Variants in ROBO2 observed in about 807,000 individuals in gnomAD.
ROBO2 encodes roundabout guidance receptor 2.
Under a neutral mutation model 160.8 loss-of-function variants are expected in ROBO2, and 53 were observed. That is an observed-to-expected ratio of 0.33 (90% CI 0.26 to 0.41). The LOEUF (loss-of-function observed/expected upper bound fraction) is 0.41. Among genes scored for constraint, ROBO2 ranks in the 10% least tolerant of loss-of-function variants. ROBO2 has a pLI of 1.00. For missense variants in ROBO2, 1,577 were observed against 1,722.4 expected (o/e 0.92, Z 1.49); for synonymous variants, 664 against 611.7 (o/e 1.09, Z -1.26).
At chr3:76,480,157 A>G (rs1380484204) in intron 2 of ROBO2, among the ~76,000 whole-genome samples, 2 of 152,194 alleles carry the variant, frequency 1.3e-5, no homozygotes, top group African/African-American at 2.4e-5. Context: ...ATCATTCGAT[A>G]TACTTGCCAA....
intron 2 of ROBO2, chr3:77,317,361 G>A: frequency 1.1e-6 from 1 of 896,686 alleles, no homozygotes; most frequent in East Asian, 2.5e-5. Context: ...GCTCATCTCG[G>A]TGCCTAGTGT....
At chr3:77,338,323 C>A (rs945490083) in intron 2 of ROBO2, among the ~76,000 whole-genome samples, 1 of 152,136 alleles carries the variant, frequency 6.6e-6, no homozygotes, top group Non-Finnish European at 1.5e-5. Flanking sequence ...TCTGCTCCCC[C>A]CTTGTTCTGG....
chr3:76,121,089 AAGAG>A (rs1382982252), intron 2 of ROBO2, among the ~76,000 whole-genome samples: 4 of 152,142 alleles, frequency 2.6e-5, no homozygotes, highest in African/African-American at 9.7e-5. Context: ...CCAAGGATGA[AAGAG>A]AGGCAATGAA....
intron 2 of ROBO2, among the ~76,000 whole-genome samples, chr3:76,813,540 A>G (rs987667507): frequency 2.0e-5 from 3 of 152,152 alleles, no homozygotes; most frequent in African/African-American, 7.2e-5. Flanking sequence ...CAAATGATGT[A>G]GTCTCTAATT....
chr3:77,186,447 G>T (rs965048415), intron 2 of ROBO2, among the ~76,000 whole-genome samples: 3 of 151,898 alleles, frequency 2.0e-5, no homozygotes, highest in Admixed American at 6.6e-5. Context: ...GAGAAGAAAG[G>T]CCCTTTGGAA....
chr3:76,189,182 A>G (rs1220209065), intron 2 of ROBO2, among the ~76,000 whole-genome samples: 6 of 146,896 alleles, frequency 4.1e-5, no homozygotes, highest in Admixed American at 2.7e-4. Flanking sequence ...TTGCATCTCT[A>G]TCTAACTAAA....
At chr3:76,275,975 A>G (rs1484002834) in intron 2 of ROBO2, among the ~76,000 whole-genome samples, 1 of 152,054 alleles carries the variant, frequency 6.6e-6, no homozygotes, top group East Asian at 1.9e-4. Flanking sequence ...CATTTTAATT[A>G]AAAATCAAAT....
At chr3:77,178,510 T>C (rs1004218251) in intron 2 of ROBO2, among the ~76,000 whole-genome samples, 1 of 151,988 alleles carries the variant, frequency 6.6e-6, no homozygotes, top group Non-Finnish European at 1.5e-5. Context: ...TAGATTTCAG[T>C]GCTTCAGATT....
At chr3:77,274,295 A>G (rs944246255) in intron 2 of ROBO2, among the ~76,000 whole-genome samples, 3 of 152,204 alleles carry the variant, frequency 2.0e-5, no homozygotes, top group African/African-American at 7.2e-5. Flanking sequence ...CTAAAGCCAA[A>G]TAACTTGGCA....
At chr3:77,322,098 A>G (rs1307400762) in intron 2 of ROBO2, among the ~76,000 whole-genome samples, 7 of 152,218 alleles carry the variant, frequency 4.6e-5, no homozygotes, top group African/African-American at 1.7e-4. Flanking sequence ...GTTTTATACC[A>G]TAATAAATAA....
At chr3:76,904,649 G>C (rs139701763) in intron 2 of ROBO2, among the ~76,000 whole-genome samples, 29 of 152,200 alleles carry the variant, frequency 1.9e-4, no homozygotes, top group African/African-American at 7.0e-4. Flanking sequence ...CAGAGGGTCT[G>C]GGATTTAAGA....
Position 77,634,924 on chromosome 3 carries a change from ACAG to A in ROBO2, c.3816_3818del (p.Ser1273del), listed in dbSNP as rs1559773887. The stretch of plus-strand genomic sequence containing the variant: ...CGACCTACCAGCCCATTTTCTACTG[ACAG>A]TAACACCAGTGCAGCCCTGAGTCAA... On this transcript the variant is annotated inframe_deletion, in exon 24 of 26. Coordinates refer to ENST00000461745, the Ensembl canonical transcript of ROBO2. 6.2e-7 allele frequency: 1 copy of A among 1,614,136 alleles called. No homozygotes were observed. The highest frequency in any genetic ancestry group is 8.5e-7 in the Non-Finnish European group (1 of 1,180,014).
chr3:76,356,314 T>C lies in ROBO2; in HGVS notation c.109+418712T>C, dbSNP rs188539439. 1.1e-4 allele frequency among the ~76,000 whole-genome samples: 16 copies of C among 151,218 alleles called. No individual in the cohort carries two copies. In the East Asian group the frequency reaches 3.1e-3, roughly 30 times the overall value. ...ATGGAATCAATAGAATAAAATAAAG[T>C]AATACAGCTAAATACAATTATATCA... On this transcript the variant is annotated intron_variant, in intron 2 of 26. Transcript: ENST00000487694.
intron 12 of ROBO2, among the ~76,000 whole-genome samples, chr3:77,567,329 A>C (rs1205986808): frequency 6.6e-6 from 1 of 152,128 alleles, no homozygotes; most frequent in Non-Finnish European, 1.5e-5. Flanking sequence ...ACAATTCAAC[A>C]ACATTGTGTG....
At chr3:76,920,352 C>T (rs1401680233) in intron 2 of ROBO2, among the ~76,000 whole-genome samples, 1 of 152,124 alleles carries the variant, frequency 6.6e-6, no homozygotes, top group African/African-American at 2.4e-5. Context: ...TTGCTGCCAT[C>T]ATGTATGTCA....
At position 77,012,176 on chromosome 3, in the gene ROBO2, G is replaced by A. The variant is rs539050671; in HGVS notation, c.110-85838G>A. Among the ~76,000 whole-genome samples the A allele has an allele frequency of 9.2e-5, 14 of 152,082 alleles. 1 individual carries two copies. The South Asian group carries it at 2.7e-3, about 29-fold the overall frequency. ...CATGAAATGTTTTATTTGATACTTCGGGAATGTGTACAGTTTATACTGTGG... is the reference window on the plus strand; with the variant it reads ...CATGAAATGTTTTATTTGATACTTCAGGAATGTGTACAGTTTATACTGTGG... On this transcript the variant is annotated intron_variant, in intron 2 of 26. Coordinates refer to the ROBO2 transcript ENST00000487694.
In ROBO2 at chr3:76,841,787, A is replaced by T. The variant is rs528339338; in HGVS notation, c.110-256227A>T. Among the ~76,000 whole-genome samples the T allele has an allele frequency of 1.2e-3, 186 of 152,314 alleles. 1 individual carries two copies. The highest frequency in any genetic ancestry group is 4.3e-3 in the African/African-American group (178 of 41,576). On this transcript the variant is annotated intron_variant, in intron 2 of 26. Transcript: ENST00000487694. ...ACATCTTTTCTACATAAATCTAAAA[A>T]TATTCTCTTAAGGAGAATTAAAAGT...
At chr3:77,271,190 G>T (rs956731692) in intron 2 of ROBO2, among the ~76,000 whole-genome samples, 2 of 152,066 alleles carry the variant, frequency 1.3e-5, no homozygotes, top group African/African-American at 4.8e-5. Context: ...CTAGGTGTTA[G>T]AATGATAACA....
intron 2 of ROBO2, among the ~76,000 whole-genome samples, chr3:76,745,806 TA>T (rs2093877069): frequency 8.4e-6 from 1 of 118,838 alleles, no homozygotes; most frequent in Non-Finnish European, 1.7e-5. Flanking sequence ...TATTTTTATT[TA>T]TTTATTTATT....
Sources: allele counts gnomAD v4.1 joint callset (sites outside exome capture counted in the v4.1 genomes callset), GRCh38; gene constraint gnomAD v4.1.1; transcripts MANE v1.5; gene names NCBI Gene and HGNC (gene_info 2026-07-23, HGNC 2026-07-21).